SLC12A6: variants seen among roughly 807,000 people sequenced by gnomAD.
The protein encoded by SLC12A6 is K-Cl cotransporter 3.
In SLC12A6, 66 loss-of-function variants were observed where a neutral mutation model predicts 135.3. The ratio of observed to expected loss-of-function variants is 0.49; its 90% CI spans 0.40 to 0.60. The LOEUF is 0.60. Among genes scored for constraint, SLC12A6 ranks in the 20% least tolerant of loss-of-function variants. The pLI is 0.00. For missense variants in SLC12A6, 1,058 were observed against 1,452.3 expected, an observed-to-expected ratio of 0.73 and a Z score of 4.41; for synonymous variants, 513 against 508.8, an observed-to-expected ratio of 1.01 and a Z score of -0.11.
At chr15:34,307,191 TG>T (rs1382285492) in intron 2 of SLC12A6, among the ~76,000 whole-genome samples, 1 of 152,160 alleles carries the variant, frequency 6.6e-6, no homozygotes, top group Non-Finnish European at 1.5e-5. Context: ...AAAATACCGA[TG>T]GGGAAAAACA....
At chr15:34,320,633 T>G (rs977399111) in intron 2 of SLC12A6, among the ~76,000 whole-genome samples, 1 of 151,072 alleles carries the variant, frequency 6.6e-6, no homozygotes, top group African/African-American at 2.4e-5. Flanking sequence ...AAGAAAAAGC[T>G]AGGCTGGGTG....
chr15:34,249,829 A>G (rs781260951), intron 13 of SLC12A6, among the ~76,000 whole-genome samples: 6 of 147,100 alleles, frequency 4.1e-5, no homozygotes, highest in Non-Finnish European at 9.1e-5. Context: ...ACTGTCTCAT[A>G]TATTCACTGA....
intron 2 of SLC12A6, among the ~76,000 whole-genome samples, chr15:34,282,153 A>AT (rs1349795339): frequency 6.6e-6 from 1 of 152,174 alleles, no homozygotes; most frequent in Non-Finnish European, 1.5e-5. Context: ...TCCTTAGGGC[A>AT]TAAGTACACA....
intron 2 of SLC12A6, among the ~76,000 whole-genome samples, chr15:34,281,625 T>A (rs1288327969): frequency 6.6e-6 from 1 of 151,948 alleles, no homozygotes; most frequent in African/African-American, 2.4e-5. Context: ...CCATCTCTAC[T>A]AAAATACAAA....
rs749486340 is a variant in SLC12A6, at chr15:34,229,943, G to A, written c.*3938C>T. On this transcript the variant is annotated 3_prime_UTR_variant, in exon 26 of 26. Transcript: ENST00000354181. ...CATGGTGGGGTGACAGGTCCTAGAA[G>A]GACAATGTGCATATTACGACAAACA... is the stretch of plus-strand genomic sequence containing the variant. 1 of 712,808 alleles carries A rather than the reference G, an allele frequency of 1.4e-6. No homozygotes were observed. Among genetic ancestry groups the A allele is most frequent in the South Asian group, 1.6e-5 (1 of 64,152 alleles). 44.2% of individuals were successfully genotyped at this position (712,808 alleles called of 1,614,324 possible). A position where few individuals can be genotyped will look rare whatever the true frequency, so the allele number is the denominator to read the frequency against.
At chr15:34,241,978 G>A in intron 17 of SLC12A6, 124 bp downstream of exon 17, 2 of 759,566 alleles carry the variant, frequency 2.6e-6, no homozygotes, top group South Asian at 2.9e-5. Flanking sequence ...AGAATTAGGG[G>A]TACAAAATAT....
chr15:34,272,151 A>G (rs1330979054), intron 3 of SLC12A6, among the ~76,000 whole-genome samples: 1 of 151,856 alleles, frequency 6.6e-6, no homozygotes, highest in Admixed American at 6.6e-5. Context: ...ATTTTTTTTA[A>G]GTAGACATGG....
intron 3 of SLC12A6, among the ~76,000 whole-genome samples, chr15:34,270,328 T>G (rs1300395293): frequency 6.7e-6 from 1 of 148,940 alleles, no homozygotes; most frequent in Non-Finnish European, 1.5e-5. Context: ...TGGCCTCAAG[T>G]AATCCTCCTA....
chr15:34,300,363 A>G (rs866921845), intron 2 of SLC12A6, among the ~76,000 whole-genome samples: 27 of 152,214 alleles, frequency 1.8e-4, no homozygotes, highest in Admixed American at 1.6e-3. Flanking sequence ...GAAGCTAACT[A>G]GAATCACACA....
In SLC12A6 at chr15:34,233,374, T is replaced by TA. The variant is rs1891058655; in HGVS notation, c.*506dup. The TA allele has an allele frequency of 6.1e-6, 1 of 163,900 alleles. No homozygotes were observed. Among genetic ancestry groups the TA allele is most frequent in the South Asian group, 1.6e-4 (1 of 6,412 alleles). The allele number at this position is 163,900 out of a possible 1,614,324, so 10.2% of individuals were successfully genotyped here. On this transcript the variant is annotated 3_prime_UTR_variant, in exon 26 of 26. Transcript: ENST00000354181. ...TACAGCAGTGGGTATACTAAAGAAA[T>TA]ATAGCTAAAAAATGTTTGCATCTTG...
rs781088641 is a variant in SLC12A6 at position 34,261,018 on chromosome 15, C to T, written c.319G>A (p.Asp107Asn). Residue 107 changes from aspartate to asparagine, a missense_variant and splice_region_variant, in exon 4 of 26, where the codon GAC becomes AAC. By Grantham distance (23) the Asp-to-Asn change is conservative. Coordinates refer to ENST00000354181, the MANE Select transcript of SLC12A6 (RefSeq NM_001365088.1). ...ITGEHSQLLD[D>N]GHKKARNAYL... The stretch of plus-strand genomic sequence containing the variant: ...GCATTTCGAGCTTTCTTATGTCCGT[C>T]GTCTGGAAAAAAAAAAGTAGACCAA... The T allele has an allele frequency of 1.6e-4, 239 of 1,518,570 alleles. 4 individuals carry two copies. In the Admixed American group the frequency reaches 3.8e-3, roughly 24 times the overall value. The allele number at this position is 1,518,570 out of a possible 1,614,324, so 94.1% of individuals were successfully genotyped here.
intron 2 of SLC12A6, among the ~76,000 whole-genome samples, chr15:34,313,948 GAA>G (rs539393779): frequency 1.3e-4 from 11 of 82,070 alleles, no homozygotes; most frequent in Non-Finnish European, 1.8e-4. Flanking sequence ...TCTTAAAAAC[GAA>G]AAAAAAAAAA....
intron 2 of SLC12A6, among the ~76,000 whole-genome samples, chr15:34,332,200 A>G (rs1889893997): frequency 6.6e-6 from 1 of 152,228 alleles, no homozygotes; most frequent in Non-Finnish European, 1.5e-5. Flanking sequence ...TGCTTTGTCT[A>G]TTAGATCATA....
At chr15:34,255,860 T>C (rs374882926) in intron 7 of SLC12A6, among the ~76,000 whole-genome samples, 2 of 151,548 alleles carry the variant, frequency 1.3e-5, no homozygotes, top group African/African-American at 4.8e-5. Flanking sequence ...TTCCAGCTAC[T>C]CAGGAGGCTG....
rs1257399985 is a variant in SLC12A6, at chr15:34,238,348, T to C, written c.2686A>G (p.Ile896Val). The C allele has an allele frequency of 2.5e-6, 4 of 1,613,916 alleles. No homozygotes were observed. In the African/African-American group the frequency reaches 4.0e-5, roughly 16 times the overall value. The change falls in exon 21 of 26, where the codon ATC becomes GTC. Residue 896 changes from isoleucine (I) to valine (V), a missense_variant. This residue lies in a region of SLC12A6 where 245 missense variants were observed against 440.8 expected (regional missense o/e 0.56). Coordinates refer to ENST00000354181, the MANE Select transcript of SLC12A6 (RefSeq NM_001365088.1). ...TCCACATTGCTGGGAAAGAAGGAGATGTTTTTAGCCACCAGCAGTGCAAGA... is the reference window on the plus strand; with the variant it reads ...TCCACATTGCTGGGAAAGAAGGAGACGTTTTTAGCCACCAGCAGTGCAAGA... Reference protein sequence around the residue: ...AHLALLVAKNISFFPSNVEQF... With the variant: ...AHLALLVAKNVSFFPSNVEQF...
chr15:34,255,385 GC>G lies in SLC12A6; in HGVS notation c.752del (p.Gly251AlafsTer5). 2 of 1,608,938 alleles carry G rather than the reference GC, an allele frequency of 1.2e-6. No homozygotes were observed. The highest frequency in any genetic ancestry group is 1.7e-6 in the Non-Finnish European group (2 of 1,175,296). ...IATNGVVPAG[G>X]SYFMISRALG... is the part of the protein sequence containing the mutation. ...GTGCCCGGGAAATCATAAAGTATGA[GC>G]CCCCAGCTAAAAGACAAAACAGAAG... is the stretch of plus-strand genomic sequence containing the variant. On this transcript the variant is annotated frameshift_variant, in exon 8 of 26. Coordinates refer to ENST00000354181, the MANE Select transcript of SLC12A6 (RefSeq NM_001365088.1). LOFTEE classifies it high-confidence loss of function.
intron 2 of SLC12A6, among the ~76,000 whole-genome samples, chr15:34,313,589 G>A (rs999103131): frequency 5.3e-5 from 8 of 152,198 alleles, no homozygotes; most frequent in Non-Finnish European, 5.9e-5. Flanking sequence ...ATTGAGCTAC[G>A]ATCAATGATG....
intron 2 of SLC12A6, among the ~76,000 whole-genome samples, chr15:34,327,677 T>C (rs914449332): frequency 1.3e-5 from 2 of 151,928 alleles, no homozygotes; most frequent in Admixed American, 6.6e-5. Flanking sequence ...AAAAATTAGA[T>C]ATGGTAAATG....
chr15:34,240,781 C>T lies in SLC12A6; in HGVS notation c.2316G>A (p.Lys772=), dbSNP rs145060136. Residue 772 remains lysine, a synonymous_variant, in exon 19 of 26, where the codon AAG becomes AAA. Coordinates refer to ENST00000354181, the MANE Select transcript of SLC12A6 (RefSeq NM_001365088.1). ...AGGCAAAGGTGAGGAGGCGAGGATGCTTGACATGTAAGTCTTCATCTAGTT... is the reference window on the plus strand; with the variant it reads ...AGGCAAAGGTGAGGAGGCGAGGATGTTTGACATGTAAGTCTTCATCTAGTT... ...LLKLDEDLHV[K]HPRLLTFASQ... The T allele has an allele frequency of 5.0e-6, 8 of 1,613,898 alleles. No individual in the cohort carries two copies. Among genetic ancestry groups the T allele is most frequent in the Non-Finnish European group, 6.8e-6 (8 of 1,179,938 alleles).
Sources: gnomAD v4.1 joint callset for allele counts (sites outside exome capture counted in the v4.1 genomes callset) on GRCh38, gnomAD v4.1.1 for gene constraint, gnomAD v4.1.1 regional missense constraint, MANE v1.5 for transcripts, NCBI Gene and HGNC (gene_info 2026-07-23, HGNC 2026-07-21) for gene names.